The following ACOT12 variants were observed in gnomAD, a reference collection of about 807,000 sequenced individuals.
The protein encoded by ACOT12 is acetyl-coenzyme A thioesterase.
In ACOT12, 51 loss-of-function variants were observed where a neutral mutation model predicts 67.7. The ratio of observed to expected loss-of-function variants is 0.75; its 90% CI spans 0.60 to 0.95. The LOEUF is 0.95. Among genes scored for constraint, ACOT12 ranks in the 40% least tolerant of loss-of-function variants. The probability of loss-of-function intolerance (pLI) is 0.00; values close to 1 mark genes in which losing one functional copy is unlikely to be tolerated. For synonymous variants in ACOT12, 251 were observed against 244.6 expected, an observed-to-expected ratio of 1.03 and a Z score of -0.24; for missense variants, 734 against 708.1, an observed-to-expected ratio of 1.04 and a Z score of -0.41.
At position 81,385,480 on chromosome 5, in the gene ACOT12, G is replaced by A. The variant is rs534001080; in HGVS notation, c.197+277C>T. The stretch of plus-strand genomic sequence containing the variant: ...AGACAATTAAAAAAAGGAGCTTATA[G>A]AAAGTCTGTTTGGCTGTTATGCCTT... On this transcript the variant is annotated intron_variant, in intron 2 of 14. Transcript: ENST00000307624. 1.5e-4 allele frequency among the ~76,000 whole-genome samples: 23 copies of A among 152,128 alleles called. No homozygotes were observed. The South Asian group carries it at 4.1e-3, about 27-fold the overall frequency.
chr5:81,393,921 G>GC, intron 1 of ACOT12, 67 bp downstream of exon 1: 1 of 1,260,090 alleles, frequency 7.9e-7, no homozygotes, highest in Non-Finnish European at 1.0e-6. Flanking sequence ...ACCCCCCCCA[G>GC]CCCCCAGCCG....
At chr5:81,333,082 ACAAC>A (rs200100515) in intron 12 of ACOT12, among the ~76,000 whole-genome samples, 8,114 of 148,996 alleles carry the variant, frequency 0.054, 466 homozygotes, top group East Asian at 0.16. Flanking sequence ...AAAAAAAGCC[ACAAC>A]AAACAAACAA....
chr5:81,393,043 G>A (rs1760904891), intron 1 of ACOT12, among the ~76,000 whole-genome samples: 1 of 152,176 alleles, frequency 6.6e-6, no homozygotes, highest in Admixed American at 6.5e-5. Context: ...TATAAATTTC[G>A]GTGGGTGGTG....
At chr5:81,343,669 G>T in intron 10 of ACOT12, 149 bp downstream of exon 10, 1 of 740,102 alleles carries the variant, frequency 1.4e-6, no homozygotes, top group Non-Finnish European at 2.2e-6. Context: ...TGATAGCCTG[G>T]TTTTGTTTCA....
intron 1 of ACOT12, among the ~76,000 whole-genome samples, chr5:81,388,690 A>G (rs528053977): frequency 9.9e-5 from 15 of 152,284 alleles, no homozygotes; most frequent in Non-Finnish European, 1.5e-5. Context: ...GATGAGCTAG[A>G]GGTTAATTAA....
At chr5:81,373,314 T>C (rs1760310969) in intron 2 of ACOT12, among the ~76,000 whole-genome samples, 1 of 152,134 alleles carries the variant, frequency 6.6e-6, no homozygotes, top group Non-Finnish European at 1.5e-5. Flanking sequence ...GACTGTGCTG[T>C]GAGGAATGGT....
rs111829759 is a variant in ACOT12 at position 81,364,706 on chromosome 5, G to A, written c.259-817C>T. On this transcript the variant is annotated intron_variant, in intron 3 of 14. Coordinates refer to ENST00000307624, the MANE Select transcript of ACOT12 (RefSeq NM_130767.3). ...CCTCCCAAAGTGCTGGGATTACAGG[G>A]GTGAGCCACTGCACCTGGCCTGTTC... is the stretch of plus-strand genomic sequence containing the variant. Among the ~76,000 whole-genome samples the A allele has an allele frequency of 6.4e-3, 980 of 152,108 alleles. 8 individuals carry two copies. Among genetic ancestry groups the A allele is most frequent in the Non-Finnish European group, 0.011 (745 of 67,968 alleles).
intron 4 of ACOT12, among the ~76,000 whole-genome samples, chr5:81,362,163 CTTTTTT>C (rs529301882): frequency 1.5e-5 from 2 of 131,638 alleles, no homozygotes; most frequent in African/African-American, 2.9e-5. Flanking sequence ...CTATTATATT[CTTTTTT>C]TTTTTTTTTT....
At chr5:81,324,949 A>G in the ACOT12 span, among the ~76,000 whole-genome samples, 123 of 152,320 alleles carry the variant, frequency 8.1e-4, no homozygotes, top group African/African-American at 2.9e-3. Context: ...ACTGGAATAG[A>G]CATGGGGCAG....
intron 7 of ACOT12, among the ~76,000 whole-genome samples, chr5:81,345,642 A>C (rs1261962252): frequency 6.6e-6 from 1 of 152,062 alleles, no homozygotes; most frequent in Non-Finnish European, 1.5e-5. Context: ...ACCAGGTCCT[A>C]CTTGGGCCAA....
intron 2 of ACOT12, among the ~76,000 whole-genome samples, chr5:81,378,514 C>T (rs1042714229): frequency 2.6e-5 from 4 of 152,058 alleles, no homozygotes; most frequent in African/African-American, 9.7e-5. Context: ...AGAGTTTCTG[C>T]CAAGCAAAAG....
intron 1 of ACOT12, among the ~76,000 whole-genome samples, chr5:81,386,427 T>C (rs1297510945): frequency 6.6e-6 from 1 of 152,168 alleles, no homozygotes; most frequent in African/African-American, 2.4e-5. Context: ...AGGAGGAGTA[T>C]TGAGTAGGGT....
rs761738880 is a variant in ACOT12, at chr5:81,359,874, T to C, written c.496+29A>G. On this transcript the variant is annotated intron_variant, in intron 5 of 14. Coordinates refer to ENST00000307624, the MANE Select transcript of ACOT12 (RefSeq NM_130767.3). ...TCCTTTGCCTGTCACAGTTATAGAA[T>C]TAAAATTCTTATAAGTGGATTTACT... 1.1e-5 allele frequency: 18 copies of C among 1,589,196 alleles called. 1 individual carries two copies. The South Asian group carries it at 2.1e-4, about 18-fold the overall frequency.
intron 3 of ACOT12, among the ~76,000 whole-genome samples, chr5:81,370,278 CAA>C (rs1457516832): frequency 6.6e-6 from 1 of 151,920 alleles, no homozygotes; most frequent in Admixed American, 6.6e-5. Flanking sequence ...GTCTCAAAAA[CAA>C]AAGCAAAAAC....
chr5:81,362,163 CTTT>C (rs529301882), intron 4 of ACOT12, among the ~76,000 whole-genome samples: 98 of 131,582 alleles, frequency 7.4e-4, no homozygotes, highest in Middle Eastern at 4.1e-3. Context: ...CTATTATATT[CTTT>C]TTTTTTTTTT....
rs753174719 is a variant in ACOT12 at position 81,330,819 on chromosome 5, A to G, written c.1513T>C (p.Cys505Arg). 15 of 1,613,642 alleles carry G rather than the reference A, an allele frequency of 9.3e-6. No individual in the cohort carries two copies. Among genetic ancestry groups the G allele is most frequent in the Non-Finnish European group, 1.3e-5 (15 of 1,179,860 alleles). ...AGATGTTTCATCAAACTTACGATGCATGAATTGCTGTCAATAGCATGGATG... is the reference window on the plus strand; with the variant it reads ...AGATGTTTCATCAAACTTACGATGCGTGAATTGCTGTCAATAGCATGGATG... ...FLIHAIDSNS[C>R]IVSYFNHMSA... Residue 505 changes from cysteine to arginine, a missense_variant, in exon 14 of 15, where the codon TGC becomes CGC. Coordinates refer to ENST00000307624, the MANE Select transcript of ACOT12 (RefSeq NM_130767.3).
intron 11 of ACOT12, among the ~76,000 whole-genome samples, chr5:81,340,853 T>G (rs1186293085): frequency 6.6e-6 from 1 of 152,220 alleles, no homozygotes; most frequent in Non-Finnish European, 1.5e-5. Context: ...AGTATAATCT[T>G]TAAAGGAGAA....
intron 4 of ACOT12, among the ~76,000 whole-genome samples, chr5:81,361,520 G>C (rs922351868): frequency 1.3e-5 from 2 of 152,146 alleles, no homozygotes; most frequent in African/African-American, 4.8e-5. Context: ...AATTTTTGTA[G>C]TGTTGTTTTA....
At chr5:81,382,683 C>G (rs1336907374) in intron 2 of ACOT12, among the ~76,000 whole-genome samples, 1 of 151,946 alleles carries the variant, frequency 6.6e-6, no homozygotes, top group Non-Finnish European at 1.5e-5. Context: ...CCCCTGTAAT[C>G]CCAGCTACTT....
Sources: gnomAD v4.1 joint callset for allele counts (sites outside exome capture counted in the v4.1 genomes callset) on GRCh38, gnomAD v4.1.1 for gene constraint, MANE v1.5 for transcripts, NCBI Gene and HGNC (gene_info 2026-07-23, HGNC 2026-07-21) for gene names.